The following FBXL18 variants were observed in gnomAD, a reference collection of about 807,000 sequenced individuals.
FBXL18 encodes the protein F-box and leucine rich repeat protein 18, also known as F-box/LRR-repeat protein 18.
In FBXL18, 36 loss-of-function variants were observed where a neutral mutation model predicts 46.0. The ratio of observed to expected loss-of-function variants is 0.78; its 90% CI spans 0.60 to 1.03. The LOEUF is 1.03. Ranked by LOEUF, FBXL18 falls within the 50% of genes least tolerant of loss-of-function variation. The pLI is 0.00. For synonymous variants in FBXL18, 557 were observed against 465.3 expected, an observed-to-expected ratio of 1.20 and a Z score of -2.54; for missense variants, 977 against 1,004.1, an observed-to-expected ratio of 0.97 and a Z score of 0.36.
intron 3 of FBXL18, among the ~76,000 whole-genome samples, chr7:5,498,584 T>C (rs1460890333): frequency 6.6e-6 from 1 of 151,852 alleles, no homozygotes; most frequent in Non-Finnish European, 1.5e-5. Flanking sequence ...TTTCTTTGCT[T>C]TTCTTTTTGA....
rs944785397 is a variant in FBXL18 at position 5,479,105 on chromosome 7, C to G, written c.*2670G>C. 1.3e-5 allele frequency: 2 copies of G among 151,420 alleles called. No individual in the cohort carries two copies. The highest frequency in any genetic ancestry group is 2.9e-5 in the Non-Finnish European group (2 of 67,814). 9.4% of individuals were successfully genotyped at this position (151,420 alleles called of 1,614,324 possible). On this transcript the variant is annotated 3_prime_UTR_variant, in exon 5 of 5. Transcript: ENST00000382368. ...CTCGGGGGTAGCAGCAGCGGAAATT[C>G]TTGCTCTAAGTCAGAGGATGGTTGC...
At chr7:5,512,781 A>G (rs1784573288) in intron 1 of FBXL18, among the ~76,000 whole-genome samples, 1 of 152,024 alleles carries the variant, frequency 6.6e-6, no homozygotes, top group South Asian at 2.1e-4. Flanking sequence ...TCAATCAAGA[A>G]GCCACTGGGG....
chr7:5,493,768 G>C (rs1001048371), intron 3 of FBXL18, among the ~76,000 whole-genome samples: 3 of 151,944 alleles, frequency 2.0e-5, no homozygotes, highest in African/African-American at 7.2e-5. Context: ...TCCTGCCTCA[G>C]CCTCCCAAAG....
rs374634728 is a variant in FBXL18 at position 5,463,706 on chromosome 7, T to TATA, written c.2001-15864_2001-15863insTAT. ...TCATGCCCCTGAACTATATATATAT[T>TATA]TATTTATTTATTTATTTATTTATTT... On this transcript the variant is annotated intron_variant and NMD_transcript_variant, in intron 4 of 6. Coordinates refer to the FBXL18 transcript ENST00000415009. 8.3e-3 allele frequency among the ~76,000 whole-genome samples: 490 copies of TATA among 59,342 alleles called. 20 individuals carry two copies. The highest frequency in any genetic ancestry group is 0.012 in the African/African-American group (166 of 13,484). 38.9% of individuals were successfully genotyped at this position (59,342 alleles called of 152,430 possible).
At chr7:5,512,086 A>C (rs922929819) in intron 1 of FBXL18, among the ~76,000 whole-genome samples, 26 of 134,486 alleles carry the variant, frequency 1.9e-4, no homozygotes, top group African/African-American at 6.6e-4. Context: ...AAAAAAAAAA[A>C]ACCAAAAAAT....
chr7:5,470,672 G>A (rs988083873), intron 4 of FBXL18, among the ~76,000 whole-genome samples: 2 of 151,550 alleles, frequency 1.3e-5, no homozygotes, highest in African/African-American at 4.9e-5. Context: ...TCCGACCCCC[G>A]GCCCAGAGGC....
At chr7:5,462,965 AAAAAATAT>A (rs1231522345) in intron 4 of FBXL18, among the ~76,000 whole-genome samples, 329 of 18,304 alleles carry the variant, frequency 0.018, 2 homozygotes, top group Non-Finnish European at 0.035. Flanking sequence ...AAAAAAAAAA[AAAAAATAT>A]ATATATATAT....
chr7:5,508,044 G>A (rs1313955144), intron 1 of FBXL18, among the ~76,000 whole-genome samples: 4 of 150,976 alleles, frequency 2.6e-5, no homozygotes, highest in Admixed American at 6.6e-5. Flanking sequence ...CAAGGCAGGC[G>A]GATCACGAAG....
At chr7:5,457,754 G>A (rs920941791) in intron 4 of FBXL18, among the ~76,000 whole-genome samples, 1 of 152,226 alleles carries the variant, frequency 6.6e-6, no homozygotes, top group Non-Finnish European at 1.5e-5. Context: ...GTTTTGGAGG[G>A]AGGAGGTGGC....
chr7:5,494,012 C>G (rs1784005616), intron 3 of FBXL18, among the ~76,000 whole-genome samples: 2 of 151,870 alleles, frequency 1.3e-5, no homozygotes, highest in African/African-American at 4.8e-5. Context: ...GTGGCTCATG[C>G]CTGTAATCCC....
At chr7:5,463,716 A>ATATATATATT (rs1562672225) in intron 4 of FBXL18, among the ~76,000 whole-genome samples, 5 of 61,418 alleles carry the variant, frequency 8.1e-5, no homozygotes, top group Non-Finnish European at 1.2e-4. Context: ...TTATTTATTT[A>ATATATATATT]TTTATTTATT....
chr7:5,492,754 G>A (rs1783963536), intron 3 of FBXL18, among the ~76,000 whole-genome samples: 1 of 152,120 alleles, frequency 6.6e-6, no homozygotes, highest in African/African-American at 2.4e-5. Context: ...TCACAACAGA[G>A]GCAGAGACTG....
In FBXL18 at chr7:5,501,496, G is replaced by A. The variant is rs781476796; in HGVS notation, c.773C>T (p.Thr258Ile). Residue 258 changes from threonine to isoleucine, a missense_variant, in exon 3 of 5, where the codon ACT becomes ATT. Coordinates refer to ENST00000382368, the MANE Select transcript of FBXL18 (RefSeq NM_024963.6). ...RLYLAVLSDR[T>I]PQNLHAFLIS... is the part of the protein sequence containing the mutation. Reference sequence around the variant, plus strand: ...GAGGAAGGCGTGGAGGTTCTGAGGAGTGCGGTCGCTAAGCACAGCCAGGTA... The same window carrying A: ...GAGGAAGGCGTGGAGGTTCTGAGGAATGCGGTCGCTAAGCACAGCCAGGTA... The A allele has an allele frequency of 3.1e-6, 5 of 1,613,840 alleles. No homozygotes were observed. Among genetic ancestry groups the A allele is most frequent in the Non-Finnish European group, 3.4e-6 (4 of 1,180,038 alleles).
downstream of FBXL18, among the ~76,000 whole-genome samples, chr7:5,475,397 G>T (rs149339964): frequency 8.5e-5 from 13 of 152,150 alleles, no homozygotes; most frequent in Admixed American, 3.3e-4. The surrounding 1 kb of genome is among the most constrained non-coding windows in gnomAD (Gnocchi z 4.2). Context: ...AAGCTGACTC[G>T]GCCCTGCCTG....
chr7:5,481,791 G>C lies in FBXL18; in HGVS notation c.2141C>G (p.Pro714Arg), dbSNP rs185800545. ...LFKSRVAEEP[P>R]NLWW ...CTCCGCCTCTCACCACCACAGGTTCGGCGGTTCCTCGGCCACTCTGCTCTT... is the reference window on the plus strand; with the variant it reads ...CTCCGCCTCTCACCACCACAGGTTCCGCGGTTCCTCGGCCACTCTGCTCTT... Residue 714 changes from proline to arginine, a missense_variant, in exon 5 of 5, where the codon CCG becomes CGG. By Grantham distance (103) the Pro-to-Arg change is moderately radical. Transcript: ENST00000382368. The C allele has an allele frequency of 1.9e-6, 3 of 1,613,482 alleles. No homozygotes were observed. The highest frequency in any genetic ancestry group is 4.5e-5 in the East Asian group (2 of 44,872).
intron 4 of FBXL18, among the ~76,000 whole-genome samples, chr7:5,458,850 T>C (rs1783207263): frequency 6.6e-6 from 1 of 151,818 alleles, no homozygotes; most frequent in East Asian, 1.9e-4. Context: ...GCAGGGCATT[T>C]TGAAAGCAAG....
At chr7:5,463,234 CAGGTTGGCATTTCCTG>C (rs2128231111) in intron 4 of FBXL18, among the ~76,000 whole-genome samples, 1 of 151,576 alleles carries the variant, frequency 6.6e-6, no homozygotes, top group African/African-American at 2.4e-5. Context: ...CTGAGGAGAA[CAGGTTGGCATTTCCTG>C]AAAATGTTGC....
rs766623474 is a variant in FBXL18, at chr7:5,501,739, T to C, written c.530A>G (p.Lys177Arg). The C allele has an allele frequency of 3.8e-6, 6 of 1,568,086 alleles. No individual in the cohort carries two copies. Among genetic ancestry groups the C allele is most frequent in the Non-Finnish European group, 4.3e-6 (5 of 1,156,072 alleles). ...KATLSRVRELKQTLFTPSYGV... is the reference protein window; with the variant it reads ...KATLSRVRELRQTLFTPSYGV... Reference sequence around the variant, plus strand: ...GTAGGAGGGAGTGAACAGCGTCTGCTTGAGCTCCCGCACGCGGCTCAGGGT... The same window carrying C: ...GTAGGAGGGAGTGAACAGCGTCTGCCTGAGCTCCCGCACGCGGCTCAGGGT... Residue 177 changes from lysine to arginine, a missense_variant, in exon 3 of 5, where the codon AAG becomes AGG. Transcript: ENST00000382368.
At chr7:5,485,141 C>T (rs1445397893) in intron 4 of FBXL18, among the ~76,000 whole-genome samples, 1 of 152,140 alleles carries the variant, frequency 6.6e-6, no homozygotes, top group African/African-American at 2.4e-5. Flanking sequence ...TTCCACACAC[C>T]CTGAGGGGGT....
Sources: allele counts gnomAD v4.1 joint callset (sites outside exome capture counted in the v4.1 genomes callset), GRCh38; gene constraint gnomAD v4.1.1; non-coding constraint Gnocchi (gnomAD v3.1); transcripts MANE v1.5; gene names NCBI Gene and HGNC (gene_info 2026-07-23, HGNC 2026-07-21).